Variants in AGBL1 observed in about 807,000 individuals in gnomAD.
The protein encoded by AGBL1 is cytosolic carboxypeptidase 4.
AGBL1 carries 130 observed loss-of-function variants against 118.9 expected under a neutral mutation model. That is an observed-to-expected ratio of 1.09 (90% CI 0.95 to 1.26). AGBL1 has a LOEUF of 1.26. Ranked by LOEUF, AGBL1 falls within the 50% of genes most tolerant of loss-of-function variation. The probability of loss-of-function intolerance (pLI) is 0.00; values close to 1 mark genes in which losing one functional copy is unlikely to be tolerated. For synonymous variants in AGBL1, 555 were observed against 478.9 expected (o/e 1.16, Z -2.08); for missense variants, 1,584 against 1,298.1 (o/e 1.22, Z -3.38).
intron 17 of AGBL1, among the ~76,000 whole-genome samples, chr15:86,310,845 TA>T (rs2079909906): frequency 2.0e-5 from 3 of 152,210 alleles, no homozygotes; most frequent in African/African-American, 7.2e-5. Context: ...ATATGGATCA[TA>T]AATTCAAACG....
intron 18 of AGBL1, among the ~76,000 whole-genome samples, chr15:86,417,965 C>T (rs1162824795): frequency 6.6e-6 from 1 of 152,038 alleles, no homozygotes; most frequent in Non-Finnish European, 1.5e-5. Context: ...ATATTAATTG[C>T]CATTAACCTG....
At chr15:86,710,733 G>A (rs1271068355) in intron 22 of AGBL1, among the ~76,000 whole-genome samples, 1 of 152,114 alleles carries the variant, frequency 6.6e-6, no homozygotes, top group Non-Finnish European at 1.5e-5. Flanking sequence ...AATAGACAAT[G>A]GGTGCCAAGG....
intron 23 of AGBL1, among the ~76,000 whole-genome samples, chr15:86,959,150 T>C (rs2080963992): frequency 6.6e-6 from 1 of 152,162 alleles, no homozygotes; most frequent in South Asian, 2.1e-4. Context: ...CTGAAGCTAA[T>C]GTAGCAATAG....
At chr15:86,671,559 A>G (rs2085747110) in intron 21 of AGBL1, among the ~76,000 whole-genome samples, 1 of 152,210 alleles carries the variant, frequency 6.6e-6, no homozygotes, top group African/African-American at 2.4e-5. Flanking sequence ...TGAACCCGTG[A>G]TAACTGACCA....
At chr15:86,315,182 G>A (rs2079982948) in intron 17 of AGBL1, among the ~76,000 whole-genome samples, 1 of 152,162 alleles carries the variant, frequency 6.6e-6, no homozygotes, top group South Asian at 2.1e-4. Flanking sequence ...TAACCCGAAA[G>A]CCTTTCTAAT....
At chr15:86,696,525 G>C (rs1435283062) in intron 22 of AGBL1, among the ~76,000 whole-genome samples, 3 of 151,266 alleles carry the variant, frequency 2.0e-5, no homozygotes, top group African/African-American at 4.9e-5. Context: ...ATACTTGGCC[G>C]GTGAATTCTT....
chr15:86,993,176 T>C (rs2141745469), intron 24 of AGBL1, among the ~76,000 whole-genome samples: 1 of 152,318 alleles, frequency 6.6e-6, no homozygotes, highest in South Asian at 2.1e-4. Flanking sequence ...CTGCTACAAA[T>C]TAAATTTGTG....
At chr15:86,214,538 G>A (rs1041718317) in intron 5 of AGBL1, among the ~76,000 whole-genome samples, 6 of 152,186 alleles carry the variant, frequency 3.9e-5, no homozygotes, top group South Asian at 2.1e-4. Flanking sequence ...TAAGGGTAAT[G>A]TTTGCCTTAA....
chr15:87,025,363 A>G, intron 24 of AGBL1, among the ~76,000 whole-genome samples: 1 of 151,930 alleles, frequency 6.6e-6, no homozygotes, highest in East Asian at 1.9e-4. Context: ...TAGATCAAGA[A>G]CTCAACCCCT....
intron 23 of AGBL1, among the ~76,000 whole-genome samples, chr15:86,931,850 T>C (rs1596646745): frequency 6.6e-6 from 1 of 152,216 alleles, no homozygotes; most frequent in Non-Finnish European, 1.5e-5. Context: ...ATGTACAATT[T>C]GCAGAATCTT....
chr15:86,823,329 C>T (rs949765861), intron 22 of AGBL1, among the ~76,000 whole-genome samples: 2 of 152,116 alleles, frequency 1.3e-5, no homozygotes, highest in Non-Finnish European at 2.9e-5. Context: ...ATCTTTAATC[C>T]CCAAATTCTC....
At chr15:87,001,424 T>G (rs190790996) in intron 24 of AGBL1, among the ~76,000 whole-genome samples, 1 of 152,148 alleles carries the variant, frequency 6.6e-6, no homozygotes, top group African/African-American at 2.4e-5. Context: ...CTATTGTGAG[T>G]AGTGCCACAA....
intron 21 of AGBL1, among the ~76,000 whole-genome samples, chr15:86,574,833 C>T (rs1166904043): frequency 1.3e-5 from 2 of 151,902 alleles, no homozygotes; most frequent in Non-Finnish European, 2.9e-5. Context: ...CGTCCTTGGC[C>T]TCCCAAAGTG....
rs146628131 is a variant in AGBL1 at position 86,985,847 on chromosome 15, C to G, written c.3222-2140C>G. Among the ~76,000 whole-genome samples, 602 of 152,142 alleles carry G rather than the reference C, an allele frequency of 4.0e-3. 3 individuals are homozygous for G. The highest frequency in any genetic ancestry group is 6.5e-3 in the Non-Finnish European group (439 of 68,012). The stretch of plus-strand genomic sequence containing the variant: ...TATAGTTTTAGCTTTTACATTTAGT[C>G]CCATGTTCCATTTCGAGTTCGCTTT... On this transcript the variant is annotated intron_variant, in intron 23 of 24. Coordinates refer to the AGBL1 transcript ENST00000441037.
At chr15:86,807,383 G>A (rs887690023) in intron 22 of AGBL1, among the ~76,000 whole-genome samples, 4 of 152,156 alleles carry the variant, frequency 2.6e-5, no homozygotes, top group African/African-American at 9.7e-5. Flanking sequence ...GAAGCATTGA[G>A]CACCAAATGT....
At chr15:86,120,784 A>T (rs1005155854) in intron 1 of AGBL1, among the ~76,000 whole-genome samples, 2 of 152,224 alleles carry the variant, frequency 1.3e-5, no homozygotes, top group Non-Finnish European at 2.9e-5. Flanking sequence ...CCCCTTTGGC[A>T]TAATAAATGT....
intron 5 of AGBL1, among the ~76,000 whole-genome samples, chr15:86,185,917 G>A (rs554300012): frequency 3.9e-5 from 6 of 151,928 alleles, no homozygotes; most frequent in Non-Finnish European, 7.4e-5. Context: ...TAAAAAAATC[G>A]TTTCCAGTTT....
intron 1 of AGBL1, among the ~76,000 whole-genome samples, chr15:86,122,490 G>T (rs1394482517): frequency 6.6e-6 from 1 of 152,054 alleles, no homozygotes; most frequent in African/African-American, 2.4e-5. Context: ...GCAGAAACAT[G>T]GCATGCATCA....
chr15:86,530,525 C>T (rs2083334805), intron 19 of AGBL1, among the ~76,000 whole-genome samples: 1 of 135,992 alleles, frequency 7.4e-6, no homozygotes. Context: ...CTTTAACACC[C>T]CACTGTCAAC....
Sources: gnomAD v4.1 joint callset for allele counts (sites outside exome capture counted in the v4.1 genomes callset) on GRCh38, gnomAD v4.1.1 for gene constraint, MANE v1.5 for transcripts, NCBI Gene and HGNC (gene_info 2026-07-23, HGNC 2026-07-21) for gene names.